Variants in CSMD1 observed in about 807,000 individuals in gnomAD.
The protein encoded by CSMD1 is CUB and sushi domain-containing protein 1.
Under a neutral mutation model 417.5 loss-of-function variants are expected in CSMD1, and 213 were observed. That is an observed-to-expected ratio of 0.51 (90% CI 0.46 to 0.57). The LOEUF (loss-of-function observed/expected upper bound fraction) is 0.57, where lower values mean the gene tolerates loss of function less well. Ranked by LOEUF, CSMD1 falls within the 20% of genes least tolerant of loss-of-function variation. The pLI, the probability that CSMD1 is intolerant of heterozygous loss-of-function variation, is 0.00. For synonymous variants in CSMD1, 2,862 were observed against 1,736.8 expected (o/e 1.65, Z -16.11); for missense variants, 6,923 against 4,529.7 (o/e 1.53, Z -15.17).
In CSMD1 at chr8:2,937,067, C is replaced by T. The variant is rs1801533877; in HGVS notation, c.*1518G>A. The T allele has an allele frequency of 1.3e-5, 2 of 152,038 alleles. No homozygotes were observed. The highest frequency in any genetic ancestry group is 4.1e-4 in the South Asian group (2 of 4,830). 9.4% of individuals were successfully genotyped at this position (152,038 alleles called of 1,614,324 possible). A position where few individuals can be genotyped will look rare whatever the true frequency, so the allele number is the denominator to read the frequency against. ...TCAAATAAGTATAAGTAAAAGTAAACATGATTTTCACTTTGAATTTGTTAC... is the reference window on the plus strand; with the variant it reads ...TCAAATAAGTATAAGTAAAAGTAAATATGATTTTCACTTTGAATTTGTTAC... On this transcript the variant is annotated 3_prime_UTR_variant, in exon 70 of 70. Transcript: ENST00000635120.
intron 5 of CSMD1, among the ~76,000 whole-genome samples, chr8:3,966,052 G>A (rs573031522): frequency 1.3e-5 from 2 of 152,194 alleles, no homozygotes; most frequent in African/African-American, 4.8e-5. Context: ...GAGAATGAAT[G>A]ACTCTAGAAT....
intron 2 of CSMD1, among the ~76,000 whole-genome samples, chr8:4,574,408 G>C (rs945254015): frequency 6.6e-6 from 1 of 152,234 alleles, no homozygotes; most frequent in East Asian, 1.9e-4. Context: ...CTTCCCCGGT[G>C]AGGCAATGCC....
intron 3 of CSMD1, among the ~76,000 whole-genome samples, chr8:4,264,409 C>T (rs1275217549): frequency 2.0e-5 from 3 of 152,190 alleles, no homozygotes; most frequent in Non-Finnish European, 4.4e-5. Flanking sequence ...AGAGGTTGCA[C>T]ATGTATCTAA....
chr8:4,013,203 C>G (rs1796362118), intron 4 of CSMD1, among the ~76,000 whole-genome samples: 1 of 152,054 alleles, frequency 6.6e-6, no homozygotes, highest in African/African-American at 2.4e-5. Flanking sequence ...CACTCCTATC[C>G]TCTGGGATCC....
chr8:4,330,231 G>A (rs564484891), intron 3 of CSMD1, among the ~76,000 whole-genome samples: 1 of 152,170 alleles, frequency 6.6e-6, no homozygotes, highest in East Asian at 1.9e-4. Flanking sequence ...CCACCTGTCA[G>A]ATCCACCCGT....
chr8:4,330,785 C>G lies in CSMD1; in HGVS notation c.415+89168G>C, dbSNP rs950159143. ...GGCATCTCCTCCCTACTTATCATTT[C>G]TTTCCCTATCTATCTTCTGAAGCAC... On this transcript the variant is annotated intron_variant, in intron 3 of 69. Transcript: ENST00000635120. Among the ~76,000 whole-genome samples the G allele has an allele frequency of 3.9e-5, 6 of 152,176 alleles. No individual in the cohort carries two copies. The South Asian group carries it at 1.2e-3, about 32-fold the overall frequency.
At chr8:3,896,199 C>G (rs1807350832) in intron 5 of CSMD1, among the ~76,000 whole-genome samples, 1 of 152,164 alleles carries the variant, frequency 6.6e-6, no homozygotes, top group Non-Finnish European at 1.5e-5. Context: ...AGCCCTGTGA[C>G]AAACATCTTC....
chr8:4,405,966 G>A lies in CSMD1; in HGVS notation c.415+13987C>T, dbSNP rs904487860. 8.5e-5 allele frequency among the ~76,000 whole-genome samples: 13 copies of A among 152,210 alleles called. No homozygotes were observed. In the South Asian group the frequency reaches 1.2e-3, roughly 15 times the overall value. ...CTGAGTAATGCCTTCTGTTCTGCTC[G>A]CCTGTCCTGTAACAGACATGGCTGT... is the stretch of plus-strand genomic sequence containing the variant. On this transcript the variant is annotated intron_variant, in intron 3 of 69. Coordinates refer to ENST00000635120, the MANE Select transcript of CSMD1 (RefSeq NM_033225.6).
At chr8:4,483,100 C>G (rs1369758918) in intron 2 of CSMD1, among the ~76,000 whole-genome samples, 2 of 152,160 alleles carry the variant, frequency 1.3e-5, no homozygotes, top group African/African-American at 2.4e-5. Flanking sequence ...ATGACAGGGG[C>G]AGTCTCCCCC....
chr8:4,494,302 T>G (rs551538489), intron 2 of CSMD1, among the ~76,000 whole-genome samples: 4 of 152,170 alleles, frequency 2.6e-5, no homozygotes, highest in Non-Finnish European at 4.4e-5. Flanking sequence ...AGACAAAACA[T>G]GTAGGTTAGT....
intron 5 of CSMD1, among the ~76,000 whole-genome samples, chr8:3,958,316 CT>C (rs1812105709): frequency 7.8e-5 from 10 of 128,960 alleles, no homozygotes. Context: ...TTTTTAAACT[CT>C]CTCTTTTTTT....
intron 26 of CSMD1, among the ~76,000 whole-genome samples, chr8:3,240,135 A>G (rs1294931760): frequency 6.6e-6 from 1 of 152,174 alleles, no homozygotes; most frequent in African/African-American, 2.4e-5. Context: ...AAGGTCAAGT[A>G]ATTTGGGTAA....
chr8:4,725,595 G>A (rs1170054498), intron 1 of CSMD1, among the ~76,000 whole-genome samples: 2 of 152,112 alleles, frequency 1.3e-5, no homozygotes, highest in Non-Finnish European at 1.5e-5. Flanking sequence ...CATGGGGCGC[G>A]TCTCAAATGT....
intron 3 of CSMD1, among the ~76,000 whole-genome samples, chr8:4,353,814 A>G (rs1801239010): frequency 6.6e-6 from 1 of 152,120 alleles, no homozygotes; most frequent in Admixed American, 6.6e-5. Flanking sequence ...GATCATTAAA[A>G]CCAGTGTTCT....
At chr8:3,272,819 A>C (rs935764408) in intron 26 of CSMD1, among the ~76,000 whole-genome samples, 7 of 150,494 alleles carry the variant, frequency 4.7e-5, no homozygotes, top group Non-Finnish European at 7.4e-5. Context: ...TATCAGCTTA[A>C]GGAGATTTTG....
intron 1 of CSMD1, among the ~76,000 whole-genome samples, chr8:4,880,334 G>A (rs1296993384): frequency 6.6e-6 from 1 of 152,080 alleles, no homozygotes; most frequent in Non-Finnish European, 1.5e-5. Context: ...ATAGGCTGCA[G>A]CTAAGATAGT....
chr8:4,043,757 G>A (rs866045296), intron 3 of CSMD1, among the ~76,000 whole-genome samples: 6 of 152,102 alleles, frequency 3.9e-5, no homozygotes, highest in African/African-American at 1.4e-4. Context: ...ATATCTTGCT[G>A]AGCTCTTTCA....
At chr8:3,313,919 A>T (rs1354345897) in intron 23 of CSMD1, among the ~76,000 whole-genome samples, 1 of 152,178 alleles carries the variant, frequency 6.6e-6, no homozygotes, top group Non-Finnish European at 1.5e-5. Context: ...GCACATATAC[A>T]CCATGGAATA....
intron 1 of CSMD1, among the ~76,000 whole-genome samples, chr8:4,740,228 G>A (rs554298166): frequency 6.6e-6 from 1 of 152,250 alleles, no homozygotes; most frequent in South Asian, 2.1e-4. Context: ...TGGAATCTTA[G>A]AATCTCTATG....
Sources: allele counts gnomAD v4.1 joint callset (sites outside exome capture counted in the v4.1 genomes callset), GRCh38; gene constraint gnomAD v4.1.1; transcripts MANE v1.5; gene names NCBI Gene and HGNC (gene_info 2026-07-23, HGNC 2026-07-21).